Variants in SORCS1 observed in about 807,000 individuals in gnomAD.
SORCS1 encodes VPS10 domain-containing receptor SorCS1.
SORCS1 carries 60 observed loss-of-function variants against 146.1 expected under a neutral mutation model. The ratio of observed to expected loss-of-function variants is 0.41; its 90% CI spans 0.33 to 0.51. The LOEUF is 0.51. Among genes scored for constraint, SORCS1 ranks in the 20% least tolerant of loss-of-function variants. The probability of loss-of-function intolerance (pLI) is 0.21; values close to 1 mark genes in which losing one functional copy is unlikely to be tolerated. For synonymous variants in SORCS1, 637 were observed against 584.0 expected, an observed-to-expected ratio of 1.09 and a Z score of -1.31; for missense variants, 1,352 against 1,487.6, an observed-to-expected ratio of 0.91 and a Z score of 1.50.
the SORCS1 span, among the ~76,000 whole-genome samples, chr10:107,179,804 T>G: frequency 7.2e-5 from 11 of 152,114 alleles, no homozygotes. Context: ...TTTACATATT[T>G]TAGATACTAG....
chr10:106,668,472 G>T (rs1202362564), intron 16 of SORCS1, among the ~76,000 whole-genome samples: 1 of 152,202 alleles, frequency 6.6e-6, no homozygotes, highest in African/African-American at 2.4e-5. Flanking sequence ...TCTCATTCAT[G>T]CTTCCAGGAG....
At position 106,664,924 on chromosome 10, in the gene SORCS1, A is replaced by G. The variant is rs1342469482; in HGVS notation, c.2303+2765T>C. Among the ~76,000 whole-genome samples the G allele has an allele frequency of 2.2e-4, 34 of 152,074 alleles. 1 individual carries two copies. Among genetic ancestry groups the G allele is most frequent in the Non-Finnish European group, 1.5e-5 (1 of 68,016 alleles). The stretch of plus-strand genomic sequence containing the variant: ...AAGTAATAAAACTCCTGTCTTTTGC[A>G]TTCCTTCCCCATTAAGTTTAGTTAT... On this transcript the variant is annotated intron_variant, in intron 17 of 25. Transcript: ENST00000263054.
intron 2 of SORCS1, among the ~76,000 whole-genome samples, chr10:106,916,253 C>T (rs1482806730): frequency 1.3e-5 from 2 of 152,096 alleles, no homozygotes; most frequent in South Asian, 4.2e-4. Flanking sequence ...TTTCTGCTTT[C>T]GGTCACTAAT....
chr10:106,821,883 C>T (rs1948049053), intron 3 of SORCS1, among the ~76,000 whole-genome samples: 1 of 151,256 alleles, frequency 6.6e-6, no homozygotes, highest in Non-Finnish European at 1.5e-5. Flanking sequence ...GATCGTGCCA[C>T]TGCACTCCAG....
At chr10:106,954,185 T>G (rs980410358) in intron 2 of SORCS1, among the ~76,000 whole-genome samples, 2 of 152,216 alleles carry the variant, frequency 1.3e-5, no homozygotes, top group Non-Finnish European at 2.9e-5. Flanking sequence ...GAGTTATGAC[T>G]GCGTAAGCCT....
Position 106,691,569 on chromosome 10 carries a change from C to T in SORCS1, c.1414-3231G>A, listed in dbSNP as rs934610490. On this transcript the variant is annotated intron_variant, in intron 9 of 25. Coordinates refer to ENST00000263054, the MANE Select transcript of SORCS1 (RefSeq NM_052918.5). ...ACCTTAAGCCTAACACAAAGTACAT[C>T]GGTGCATTTCCTGTTGCCAACGTGA... is the stretch of plus-strand genomic sequence containing the variant. Among the ~76,000 whole-genome samples the T allele has an allele frequency of 4.6e-5, 7 of 152,266 alleles. No homozygotes were observed. The East Asian group carries it at 7.7e-4, about 17-fold the overall frequency.
chr10:106,968,645 G>T (rs550891076), intron 1 of SORCS1, among the ~76,000 whole-genome samples: 1 of 152,258 alleles, frequency 6.6e-6, no homozygotes, highest in Admixed American at 6.5e-5. Flanking sequence ...CAAGACACTT[G>T]CAGGAAGCCA....
intron 3 of SORCS1, among the ~76,000 whole-genome samples, chr10:106,808,319 G>C (rs926259783): frequency 6.6e-6 from 1 of 151,992 alleles, no homozygotes; most frequent in Non-Finnish European, 1.5e-5. Context: ...CACCTGGCCC[G>C]GTGCTGTTTT....
At chr10:107,163,703 G>C (rs542607383) in intron 1 of SORCS1, among the ~76,000 whole-genome samples, 3 of 152,034 alleles carry the variant, frequency 2.0e-5, no homozygotes, top group Non-Finnish European at 4.4e-5. Context: ...ACACCAATGC[G>C]ACCAAGGCAA....
intron 3 of SORCS1, among the ~76,000 whole-genome samples, chr10:106,823,223 C>G (rs1369303946): frequency 1.3e-5 from 2 of 152,148 alleles, no homozygotes; most frequent in African/African-American, 4.8e-5. Flanking sequence ...TCATGCACCC[C>G]CTTTGATGTA....
At chr10:106,924,742 A>G (rs984238994) in intron 2 of SORCS1, among the ~76,000 whole-genome samples, 1 of 128,222 alleles carries the variant, frequency 7.8e-6, no homozygotes. Context: ...TTTTTTTTCA[A>G]TTTTTACATT....
intron 1 of SORCS1, among the ~76,000 whole-genome samples, chr10:107,118,478 C>T (rs1966185351): frequency 6.6e-6 from 1 of 152,170 alleles, no homozygotes; most frequent in African/African-American, 2.4e-5. Flanking sequence ...GCCCATGACA[C>T]ATTTATCCTT....
At chr10:106,980,248 T>A (rs575830205) in intron 1 of SORCS1, among the ~76,000 whole-genome samples, 1 of 152,192 alleles carries the variant, frequency 6.6e-6, no homozygotes, top group African/African-American at 2.4e-5. Flanking sequence ...ACGTAGCACA[T>A]TGGAACAAAC....
At chr10:107,054,458 G>A (rs1051234165) in intron 1 of SORCS1, among the ~76,000 whole-genome samples, 2 of 152,174 alleles carry the variant, frequency 1.3e-5, no homozygotes, top group East Asian at 3.9e-4. Context: ...AGTCCAAGTA[G>A]AGAGATTCCC....
intron 2 of SORCS1, among the ~76,000 whole-genome samples, chr10:106,954,304 A>G (rs1056788528): frequency 1.3e-5 from 2 of 152,246 alleles, no homozygotes; most frequent in African/African-American, 2.4e-5. Context: ...ACTCTTATAC[A>G]TGGAGATCCA....
At chr10:106,854,298 G>C (rs1199625146) in intron 2 of SORCS1, among the ~76,000 whole-genome samples, 1 of 151,896 alleles carries the variant, frequency 6.6e-6, no homozygotes, top group Non-Finnish European at 1.5e-5. Context: ...TGTTAGCATG[G>C]TATATCATTC....
rs989597617 is a variant in SORCS1 at position 106,902,227 on chromosome 10, C to T, written c.626+54286G>A. Among the ~76,000 whole-genome samples, 5 of 152,132 alleles carry T rather than the reference C, an allele frequency of 3.3e-5. No homozygotes were observed. In the Middle Eastern group the frequency reaches 0.017, roughly 521 times the overall value. ...TTTATAATAGGTTTCTTGATACAGA[C>T]CCTCAACTTGACCTAGCAATTTTTA... On this transcript the variant is annotated intron_variant, in intron 2 of 25. Coordinates refer to ENST00000263054, the MANE Select transcript of SORCS1 (RefSeq NM_052918.5).
chr10:107,021,886 T>C (rs1564935971), intron 1 of SORCS1, among the ~76,000 whole-genome samples: 1 of 152,246 alleles, frequency 6.6e-6, no homozygotes, highest in South Asian at 2.1e-4. Context: ...AGCTGTGTTT[T>C]ATAAATACTT....
chr10:106,854,831 G>A (rs1441779090), intron 2 of SORCS1, among the ~76,000 whole-genome samples: 1 of 152,084 alleles, frequency 6.6e-6, no homozygotes, highest in Non-Finnish European at 1.5e-5. Context: ...GTATGTGTGT[G>A]TGTATATATA....
Sources: allele counts gnomAD v4.1 joint callset (sites outside exome capture counted in the v4.1 genomes callset), GRCh38; gene constraint gnomAD v4.1.1; transcripts MANE v1.5; gene names NCBI Gene and HGNC (gene_info 2026-07-23, HGNC 2026-07-21).